The following PIK3AP1 variants were observed in gnomAD, a reference collection of about 807,000 sequenced individuals.
PIK3AP1 encodes phosphoinositide-3-kinase adaptor protein 1, also known as phosphoinositide 3-kinase adapter protein 1.
PIK3AP1 carries 21 observed loss-of-function variants against 88.1 expected under a neutral mutation model. The ratio of observed to expected loss-of-function variants is 0.24; its 90% CI spans 0.17 to 0.34. PIK3AP1 has a LOEUF of 0.34. PIK3AP1 is among the 10% of genes least tolerant of loss of function. PIK3AP1 has a pLI of 1.00. For missense variants in PIK3AP1, 828 were observed against 1,035.7 expected, an observed-to-expected ratio of 0.80 and a Z score of 2.75; for synonymous variants, 398 against 400.0, an observed-to-expected ratio of 1.00 and a Z score of 0.06.
chr10:96,683,404 T>A (rs1844028001), intron 2 of PIK3AP1, among the ~76,000 whole-genome samples: 1 of 152,212 alleles, frequency 6.6e-6, no homozygotes, highest in Non-Finnish European at 1.5e-5. Flanking sequence ...GCCTTGAATA[T>A]TCAGAGATGT....
intron 2 of PIK3AP1, among the ~76,000 whole-genome samples, chr10:96,709,063 C>T (rs1395014756): frequency 7.3e-6 from 1 of 137,486 alleles, no homozygotes; most frequent in Non-Finnish European, 1.5e-5. Flanking sequence ...AACCTGGAGG[C>T]AGAGGTTGCA....
In PIK3AP1 at chr10:96,593,371, A is replaced by G. The variant is rs781493860; in HGVS notation, c.*2206T>C. The G allele has an allele frequency of 7.9e-5, 12 of 152,360 alleles. No individual in the cohort carries two copies. The South Asian group carries it at 1.7e-3, about 21-fold the overall frequency. 9.4% of individuals were successfully genotyped at this position (152,360 alleles called of 1,614,324 possible). On this transcript the variant is annotated 3_prime_UTR_variant, in exon 17 of 17. Coordinates refer to ENST00000339364, the MANE Select transcript of PIK3AP1 (RefSeq NM_152309.3). ...TTATTTTTATATAAGAATACAATGC[A>G]ACAAAATATTCATATATTGCACAAA...
chr10:96,595,745 A>C, intron 16 of PIK3AP1, 111 bp from the exon 17 acceptor site: 9 of 994,038 alleles, frequency 9.1e-6, no homozygotes, highest in Middle Eastern at 2.9e-4. Context: ...CACAATCCTC[A>C]ATGAGACAGG....
At chr10:96,610,440 T>C (rs1017379909) in intron 13 of PIK3AP1, among the ~76,000 whole-genome samples, 13 of 151,882 alleles carry the variant, frequency 8.6e-5, no homozygotes, top group Non-Finnish European at 2.9e-5. Context: ...GAACAGTTGG[T>C]AAGTGGCAGA....
intron 4 of PIK3AP1, among the ~76,000 whole-genome samples, chr10:96,652,488 G>T (rs1843552553): frequency 6.6e-6 from 1 of 152,020 alleles, no homozygotes; most frequent in South Asian, 2.1e-4. Context: ...CAGGAGAATG[G>T]CGTGAACCTG....
chr10:96,638,000 G>C (rs1346067582), intron 8 of PIK3AP1, among the ~76,000 whole-genome samples: 1 of 152,140 alleles, frequency 6.6e-6, no homozygotes, highest in East Asian at 1.9e-4. Flanking sequence ...TGAGGCCTTT[G>C]GGCTACGTAC....
chr10:96,597,717 G>A (rs1270222519), intron 16 of PIK3AP1, among the ~76,000 whole-genome samples: 1 of 152,180 alleles, frequency 6.6e-6, no homozygotes, highest in East Asian at 1.9e-4. Flanking sequence ...AAAGTAGGTA[G>A]CAGTTTCTGG....
intron 12 of PIK3AP1, 41 bp from the exon 13 acceptor site, chr10:96,616,752 A>G (rs756736387): frequency 6.4e-7 from 1 of 1,560,850 alleles, no homozygotes; most frequent in Non-Finnish European, 8.8e-7. Context: ...GTACAACAGG[A>G]TGATACCCTC....
At chr10:96,681,602 G>T (rs1337988370) in intron 2 of PIK3AP1, among the ~76,000 whole-genome samples, 2 of 152,154 alleles carry the variant, frequency 1.3e-5, no homozygotes, top group Non-Finnish European at 2.9e-5. Flanking sequence ...CCCAAAAGGG[G>T]GCTCTAGTAG....
intron 2 of PIK3AP1, among the ~76,000 whole-genome samples, chr10:96,679,967 A>G (rs985674988): frequency 2.6e-5 from 4 of 152,120 alleles, no homozygotes; most frequent in Admixed American, 2.6e-4. Flanking sequence ...CAACCTTGTA[A>G]TCACCCAGGG....
chr10:96,655,625 C>A (rs1393005897), intron 3 of PIK3AP1, among the ~76,000 whole-genome samples: 1 of 152,146 alleles, frequency 6.6e-6, no homozygotes, highest in South Asian at 2.1e-4. Flanking sequence ...GTGAGAGGAA[C>A]CTGGTGGGAG....
In PIK3AP1 at chr10:96,658,305, G is replaced by A. The variant is rs1843642722; in HGVS notation, c.431-1371C>T. Among the ~76,000 whole-genome samples the A allele has an allele frequency of 2.0e-5, 3 of 152,108 alleles. No homozygotes were observed. The South Asian group carries it at 6.2e-4, about 32-fold the overall frequency. On this transcript the variant is annotated intron_variant, in intron 2 of 16. Coordinates refer to ENST00000339364, the MANE Select transcript of PIK3AP1 (RefSeq NM_152309.3). ...CTGATTCCTGCAGCCTGGTTTCCTG[G>A]AAGAAAATTGGCCTCTGCAGAGTTT... is the stretch of plus-strand genomic sequence containing the variant.
At chr10:96,678,176 G>C (rs1283340364) in intron 2 of PIK3AP1, among the ~76,000 whole-genome samples, 1 of 152,112 alleles carries the variant, frequency 6.6e-6, no homozygotes, top group African/African-American at 2.4e-5. Flanking sequence ...GTTCATGCCT[G>C]TAATCCCAGC....
chr10:96,649,946 T>G (rs1237028046), intron 6 of PIK3AP1, among the ~76,000 whole-genome samples: 1 of 152,248 alleles, frequency 6.6e-6, no homozygotes, highest in Non-Finnish European at 1.5e-5. Flanking sequence ...AATCTCTTTT[T>G]TCATAAACGT....
intron 11 of PIK3AP1, chr10:96,621,426 G>A (rs1011767988): frequency 6.6e-6 from 1 of 152,602 alleles, no homozygotes; most frequent in East Asian, 1.9e-4. Context: ...CCATTCTTGA[G>A]AGACGACTCC....
chr10:96,671,430 C>G (rs1843845158), intron 2 of PIK3AP1, among the ~76,000 whole-genome samples: 1 of 152,162 alleles, frequency 6.6e-6, no homozygotes, highest in Non-Finnish European at 1.5e-5. Context: ...CCAACTAACC[C>G]CTTTCACTTA....
intron 2 of PIK3AP1, among the ~76,000 whole-genome samples, chr10:96,657,703 C>T (rs1406856983): frequency 6.6e-6 from 1 of 151,964 alleles, no homozygotes; most frequent in Non-Finnish European, 1.5e-5. Context: ...ATGCATTTGC[C>T]TGCACTTTTC....
chr10:96,628,889 C>CATATATAT (rs745432871), intron 8 of PIK3AP1, among the ~76,000 whole-genome samples: 3 of 60,842 alleles, frequency 4.9e-5, no homozygotes, highest in African/African-American at 1.2e-4. Context: ...TATATATATA[C>CATATATAT]ATATATATAT....
chr10:96,690,337 A>G (rs1006399868), intron 2 of PIK3AP1, among the ~76,000 whole-genome samples: 12 of 152,138 alleles, frequency 7.9e-5, no homozygotes, highest in Admixed American at 1.3e-4. Flanking sequence ...ATCACAGCTC[A>G]CTGCAGCCTT....
Sources: gnomAD v4.1 joint callset for allele counts (sites outside exome capture counted in the v4.1 genomes callset) on GRCh38, gnomAD v4.1.1 for gene constraint, MANE v1.5 for transcripts, NCBI Gene and HGNC (gene_info 2026-07-23, HGNC 2026-07-21) for gene names.